Variants in UNC13C observed in about 807,000 individuals in gnomAD.
The protein encoded by UNC13C is protein unc-13 homolog C.
A neutral mutation model predicts 245.4 loss-of-function variants in UNC13C; 174 were observed. The ratio of observed to expected loss-of-function variants is 0.71; its 90% confidence interval spans 0.63 to 0.80. The LOEUF is 0.80. Ranked by LOEUF, UNC13C falls within the 30% of genes least tolerant of loss-of-function variation. UNC13C has a pLI of 0.00. For synonymous variants in UNC13C, 992 were observed against 895.1 expected (o/e 1.11, Z -1.93); for missense variants, 2,829 against 2,602.9 (o/e 1.09, Z -1.89).
At chr15:53,974,262 A>G (rs555214429), upstream of UNC13C, among the ~76,000 whole-genome samples, 27 of 152,328 alleles carry the variant, frequency 1.8e-4, no homozygotes, top group African/African-American at 6.3e-4. Flanking sequence ...AATTTGTGAG[A>G]CAGCTGGTGA....
rs565989018 is a variant in UNC13C, at chr15:54,021,612, A to G, written c.2983+5726A>G. Among the ~76,000 whole-genome samples the G allele has an allele frequency of 3.9e-5, 6 of 152,290 alleles. No homozygotes were observed. In the South Asian group the frequency reaches 1.0e-3, roughly 26 times the overall value. ...ACTGGTAGACACTTAGGTTGCTTTC[A>G]TATCTTGGCTATTGTGAATATTGCT... On this transcript the variant is annotated intron_variant, in intron 2 of 32. Coordinates refer to ENST00000260323, the MANE Select transcript of UNC13C (RefSeq NM_001080534.3).
chr15:53,971,175 A>G, the UNC13C span, among the ~76,000 whole-genome samples: 1 of 152,332 alleles, frequency 6.6e-6, no homozygotes, highest in South Asian at 2.1e-4. Flanking sequence ...TGTCTATTCA[A>G]GTTGGCAAAC....
intron 2 of UNC13C, among the ~76,000 whole-genome samples, chr15:54,138,953 ATTTTTTTTTTTT>A (rs56255946): frequency 4.1e-5 from 2 of 48,632 alleles, no homozygotes; most frequent in Non-Finnish European, 7.0e-5. Context: ...ATTTCCCCTA[ATTTTTTTTTTTT>A]TTTTTTTTTT....
the UNC13C span, among the ~76,000 whole-genome samples, chr15:53,883,833 T>A: frequency 6.6e-6 from 1 of 152,324 alleles, no homozygotes; most frequent in Non-Finnish European, 1.5e-5. Context: ...TAGGTTTTGT[T>A]TTGACTTTGA....
chr15:54,218,896 G>T (rs914147979), intron 4 of UNC13C, among the ~76,000 whole-genome samples: 1 of 151,962 alleles, frequency 6.6e-6, no homozygotes, highest in South Asian at 2.1e-4. Context: ...TTAATGGGAC[G>T]TAAAGGACCT....
At chr15:54,289,339 T>C (rs2140929366) in intron 10 of UNC13C, among the ~76,000 whole-genome samples, 1 of 152,178 alleles carries the variant, frequency 6.6e-6, no homozygotes, top group Middle Eastern at 3.4e-3. Flanking sequence ...TTCCCACTAA[T>C]AAAAAAGCTT....
At chr15:54,259,414 C>T (rs1054004158) in intron 8 of UNC13C, among the ~76,000 whole-genome samples, 3 of 152,062 alleles carry the variant, frequency 2.0e-5, no homozygotes, top group South Asian at 2.1e-4. Context: ...TGGCGGAAGG[C>T]GAAAGGCATG....
At position 54,525,565 on chromosome 15, in the gene UNC13C, G is replaced by C. The variant is rs1371080470; in HGVS notation, c.5474G>C (p.Ser1825Thr). 6.2e-7 allele frequency: 1 copy of C among 1,612,442 alleles called. No individual in the cohort carries two copies. The change falls in exon 25 of 33, where the codon AGT becomes ACT. Residue 1825 changes from serine (S) to threonine (T), a missense_variant. Physicochemically the swap from Ser to Thr is moderately conservative, Grantham distance 58. Transcript: ENST00000260323. ...MGGKELDSEASTILKELQVKL... is the reference protein window; with the variant it reads ...MGGKELDSEATTILKELQVKL... ...TCTCTGCAGCTAGATTCTGAAGCTA[G>C]TACTATTCTAAAAGAACTTCAGGTT... is the stretch of plus-strand genomic sequence containing the variant.
intron 19 of UNC13C, among the ~76,000 whole-genome samples, chr15:54,472,579 A>G (rs909523369): frequency 8.6e-5 from 13 of 151,878 alleles, no homozygotes; most frequent in African/African-American, 3.1e-4. Context: ...GTGATAAACT[A>G]GACCCGCCAT....
At chr15:53,934,308 C>A in the UNC13C span, among the ~76,000 whole-genome samples, 1 of 152,188 alleles carries the variant, frequency 6.6e-6, no homozygotes, top group Admixed American at 6.5e-5. Flanking sequence ...CTATATCAAA[C>A]ACTCACACCT....
chr15:53,878,111 G>T, the UNC13C span, among the ~76,000 whole-genome samples: 1 of 152,026 alleles, frequency 6.6e-6, no homozygotes, highest in Non-Finnish European at 1.5e-5. Flanking sequence ...AAAATGGTTT[G>T]TCTCATTTGT....
chr15:54,378,794 A>C (rs1341330332), intron 17 of UNC13C, among the ~76,000 whole-genome samples: 1 of 152,010 alleles, frequency 6.6e-6, no homozygotes, highest in Non-Finnish European at 1.5e-5. Context: ...TATATATTTA[A>C]AATTCCACAT....
chr15:53,870,281 T>C, the UNC13C span, among the ~76,000 whole-genome samples: 3 of 152,222 alleles, frequency 2.0e-5, no homozygotes, highest in Non-Finnish European at 4.4e-5. Flanking sequence ...TCCTCTCCTT[T>C]GAGAAGTCAC....
In UNC13C at chr15:54,327,247, A is replaced by G. The variant is rs1035270440; in HGVS notation, c.4426-4796A>G. Among the ~76,000 whole-genome samples the G allele has an allele frequency of 2.0e-5, 3 of 152,210 alleles. No homozygotes were observed. In the East Asian group the frequency reaches 5.8e-4, roughly 30 times the overall value. ...TTGAGCTGTTTATTTACTTGAGTATATACATGCTCAATATATATAACCAAG... is the reference window on the plus strand; with the variant it reads ...TTGAGCTGTTTATTTACTTGAGTATGTACATGCTCAATATATATAACCAAG... On this transcript the variant is annotated intron_variant, in intron 14 of 32. Coordinates refer to ENST00000260323, the MANE Select transcript of UNC13C (RefSeq NM_001080534.3).
intron 2 of UNC13C, among the ~76,000 whole-genome samples, chr15:54,034,125 C>T (rs980441130): frequency 2.0e-5 from 3 of 152,210 alleles, no homozygotes; most frequent in African/African-American, 7.2e-5. Context: ...TATTGGATCA[C>T]CCAGCCTTCT....
At chr15:54,304,672 A>C (rs925060006) in intron 13 of UNC13C, among the ~76,000 whole-genome samples, 1 of 149,206 alleles carries the variant, frequency 6.7e-6, no homozygotes, top group East Asian at 2.0e-4. Context: ...AAAAAAAAAA[A>C]CCCTTACCTG....
chr15:54,138,165 G>T (rs1022562656), intron 2 of UNC13C, among the ~76,000 whole-genome samples: 1 of 152,206 alleles, frequency 6.6e-6, no homozygotes, highest in Admixed American at 6.5e-5. Flanking sequence ...GGTCAGAAAA[G>T]ACACTTGATA....
intron 7 of UNC13C, among the ~76,000 whole-genome samples, chr15:54,246,013 T>G (rs2035980798): frequency 6.6e-6 from 1 of 152,120 alleles, no homozygotes; most frequent in South Asian, 2.1e-4. Flanking sequence ...ATGTTATAAT[T>G]ATTAACAGTT....
intron 28 of UNC13C, among the ~76,000 whole-genome samples, 165 bp from the exon 29 acceptor site, chr15:54,555,267 G>T (rs569996054): frequency 6.6e-6 from 1 of 152,120 alleles, no homozygotes; most frequent in African/African-American, 2.4e-5. Flanking sequence ...ACAGAGAGGA[G>T]ATTTATAAAA....
Sources: allele counts gnomAD v4.1 joint callset (sites outside exome capture counted in the v4.1 genomes callset), GRCh38; gene constraint gnomAD v4.1.1; transcripts MANE v1.5; gene names NCBI Gene and HGNC (gene_info 2026-07-23, HGNC 2026-07-21).